Variants in WWOX observed in about 807,000 individuals in gnomAD.
WWOX encodes WW domain-containing oxidoreductase.
WWOX carries 69 observed loss-of-function variants against 46.2 expected under a neutral mutation model. That is an observed-to-expected ratio of 1.49 (90% CI 1.23 to 1.82). WWOX has a LOEUF of 1.82. WWOX is among the 40% of genes most tolerant of loss of function. WWOX has a pLI of 0.00. For synonymous variants in WWOX, 359 were observed against 202.6 expected, an observed-to-expected ratio of 1.77 and a Z score of -6.56; for missense variants, 919 against 542.6, an observed-to-expected ratio of 1.69 and a Z score of -6.89.
chr16:79,208,821 G>A (rs534416066), intron 8 of WWOX, among the ~76,000 whole-genome samples: 6 of 152,292 alleles, frequency 3.9e-5, no homozygotes, highest in African/African-American at 7.2e-5. Context: ...TCACTCAGAG[G>A]TTGCCATTGG....
chr16:78,899,439 C>T (rs1028206539), intron 8 of WWOX: 4 of 152,150 alleles, frequency 2.6e-5, no homozygotes, highest in African/African-American at 9.6e-5. Flanking sequence ...TTTCCTTTAT[C>T]TGTAACTGGA....
chr16:79,067,522 A>G (rs187146761), intron 8 of WWOX, among the ~76,000 whole-genome samples: 134 of 149,768 alleles, frequency 8.9e-4, no homozygotes, highest in Non-Finnish European at 1.5e-3. Context: ...CTGCCCGGAC[A>G]TCTCCTCACT....
intron 4 of WWOX, among the ~76,000 whole-genome samples, chr16:78,133,538 G>A (rs59245138): frequency 0.012 from 1,826 of 152,310 alleles, 44 homozygotes; most frequent in African/African-American, 0.042. Context: ...TGGGATTACA[G>A]GCTCACGCCA....
At chr16:78,828,164 A>T (rs997775463) in intron 8 of WWOX, among the ~76,000 whole-genome samples, 1 of 152,154 alleles carries the variant, frequency 6.6e-6, no homozygotes, top group Non-Finnish European at 1.5e-5. Flanking sequence ...AGGCCAGCTA[A>T]TCTAATCTGT....
intron 8 of WWOX, among the ~76,000 whole-genome samples, chr16:78,967,101 C>G (rs1474427664): frequency 1.3e-5 from 2 of 152,048 alleles, no homozygotes; most frequent in Non-Finnish European, 2.9e-5. Flanking sequence ...AGTCATGCAT[C>G]TGTCCCTGGG....
rs137914182 is a variant in WWOX at position 78,684,800 on chromosome 16, C to T, written c.1056+252048C>T. 1.7e-4 allele frequency among the ~76,000 whole-genome samples: 26 copies of T among 152,196 alleles called. 1 individual carries two copies. In the East Asian group the frequency reaches 4.4e-3, roughly 26 times the overall value. On this transcript the variant is annotated intron_variant, in intron 8 of 8. Transcript: ENST00000566780. ...CACCTAGTTGAGCTTCTCTTTGTTC[C>T]CATATGTTTCAGTGAAGCAGTTATA...
intron 8 of WWOX, among the ~76,000 whole-genome samples, chr16:79,013,199 T>A (rs938499380): frequency 6.6e-6 from 1 of 152,140 alleles, no homozygotes; most frequent in Admixed American, 6.5e-5. Flanking sequence ...GGGCTTTAGC[T>A]CACTGTGCAG....
At chr16:78,493,065 G>A (rs2084824799) in intron 8 of WWOX, among the ~76,000 whole-genome samples, 1 of 152,160 alleles carries the variant, frequency 6.6e-6, no homozygotes, top group Admixed American at 6.5e-5. Context: ...GCAGAGAACA[G>A]ACTAGCCCCC....
chr16:78,356,640 T>C (rs890922020), intron 5 of WWOX, among the ~76,000 whole-genome samples: 13 of 152,134 alleles, frequency 8.5e-5, no homozygotes, highest in Admixed American at 3.3e-4. Flanking sequence ...CCAAGCACTT[T>C]GGGAGGCCAA....
At chr16:78,840,429 C>T (rs929758150) in intron 8 of WWOX, among the ~76,000 whole-genome samples, 1 of 152,192 alleles carries the variant, frequency 6.6e-6, no homozygotes, top group African/African-American at 2.4e-5. Flanking sequence ...AGTCCTCTTG[C>T]CTCTGCAGCA....
chr16:78,712,994 GT>G lies in WWOX; in HGVS notation c.1056+280243del, dbSNP rs1159109819. On this transcript the variant is annotated intron_variant, in intron 8 of 8. Coordinates refer to ENST00000566780, the MANE Select transcript of WWOX (RefSeq NM_016373.4). ...TTAGAAATAGCTAGTATCAGGCCTGGTGTAGTGGCTCATGCCTGTAATCCCA... is the reference window on the plus strand; with the variant it reads ...TTAGAAATAGCTAGTATCAGGCCTGGGTAGTGGCTCATGCCTGTAATCCCA... 1.1e-4 allele frequency among the ~76,000 whole-genome samples: 16 copies of G among 152,204 alleles called. 1 individual carries two copies. The highest frequency in any genetic ancestry group is 3.9e-4 in the African/African-American group (16 of 41,520).
chr16:78,286,119 T>C (rs1259120354), intron 5 of WWOX, among the ~76,000 whole-genome samples: 1 of 152,244 alleles, frequency 6.6e-6, no homozygotes, highest in Non-Finnish European at 1.5e-5. Context: ...AATATTTCCA[T>C]TCAGCTCATT....
intron 8 of WWOX, among the ~76,000 whole-genome samples, chr16:78,478,258 C>T (rs2084400653): frequency 1.3e-5 from 2 of 152,096 alleles, no homozygotes. Flanking sequence ...ATGGCCTATT[C>T]CATTCTTTTT....
chr16:78,278,926 T>C (rs2079629177), intron 5 of WWOX, among the ~76,000 whole-genome samples: 2 of 152,166 alleles, frequency 1.3e-5, no homozygotes, highest in South Asian at 4.1e-4. Context: ...TGTTTTTCTG[T>C]GTACATAAGT....
intron 5 of WWOX, among the ~76,000 whole-genome samples, chr16:78,196,125 G>A (rs188623371): frequency 6.6e-6 from 1 of 152,186 alleles, no homozygotes; most frequent in Admixed American, 6.5e-5. Context: ...TTACTATGAT[G>A]GCCTGTCAAA....
intron 8 of WWOX, among the ~76,000 whole-genome samples, chr16:78,531,940 C>A (rs1402820056): frequency 1.3e-5 from 2 of 152,132 alleles, no homozygotes; most frequent in Non-Finnish European, 2.9e-5. Context: ...CTCCCTTTCC[C>A]ACCTTCCCAA....
chr16:79,138,389 T>C (rs1391667293), intron 8 of WWOX, among the ~76,000 whole-genome samples: 1 of 152,146 alleles, frequency 6.6e-6, no homozygotes, highest in African/African-American at 2.4e-5. Context: ...CCCAGTGCCT[T>C]CCCCATTTGA....
At chr16:78,519,717 A>G (rs1349243343) in intron 8 of WWOX, among the ~76,000 whole-genome samples, 1 of 152,054 alleles carries the variant, frequency 6.6e-6, no homozygotes, top group Admixed American at 6.5e-5. Context: ...AACAGACCCA[A>G]GAGAGACCGT....
At chr16:79,095,899 CTGT>C (rs2049059119) in intron 8 of WWOX, among the ~76,000 whole-genome samples, 1 of 132,010 alleles carries the variant, frequency 7.6e-6, no homozygotes, top group African/African-American at 2.8e-5. Context: ...GAGTCTTGCT[CTGT>C]TGTTTAGGCA....
Sources: allele counts gnomAD v4.1 joint callset (sites outside exome capture counted in the v4.1 genomes callset), GRCh38; gene constraint gnomAD v4.1.1; transcripts MANE v1.5; gene names NCBI Gene and HGNC (gene_info 2026-07-23, HGNC 2026-07-21).